Variants in AP3S2 observed in about 807,000 individuals in gnomAD.
AP3S2 encodes the protein adaptor related protein complex 3 subunit sigma 2.
AP3S2 carries 22 observed loss-of-function variants against 23.4 expected under a neutral mutation model. The ratio of observed to expected loss-of-function variants is 0.94; its 90% confidence interval spans 0.67 to 1.34. The LOEUF is 1.34. Among genes scored for constraint, AP3S2 ranks in the 40% most tolerant of loss-of-function variants. AP3S2 has a pLI of 0.00. For missense variants in AP3S2, 241 were observed against 236.9 expected, an observed-to-expected ratio of 1.02 and a Z score of -0.11; for synonymous variants, 86 against 87.1, an observed-to-expected ratio of 0.99 and a Z score of 0.07.
At chr15:89,883,620 C>A (rs1425381627) in intron 3 of AP3S2, among the ~76,000 whole-genome samples, 1 of 152,062 alleles carries the variant, frequency 6.6e-6, no homozygotes, top group African/African-American at 2.4e-5. Context: ...CTCAAGTGAT[C>A]CTCCTGCCTC....
rs533120789 is a variant in AP3S2 at position 89,843,226 on chromosome 15, C to T, written c.346-5504G>A. 1.6e-3 allele frequency among the ~76,000 whole-genome samples: 237 copies of T among 151,960 alleles called. 1 individual carries two copies. Among genetic ancestry groups the T allele is most frequent in the African/African-American group, 5.4e-3 (222 of 41,494 alleles). On this transcript the variant is annotated intron_variant, in intron 4 of 5. Coordinates refer to ENST00000336418, the MANE Select transcript of AP3S2 (RefSeq NM_005829.5). ...CTCAAACTCCCAAACTCAGGTGATCCGTCCGCCTTGGCCTCCCAAAGTGCT... is the reference window on the plus strand; with the variant it reads ...CTCAAACTCCCAAACTCAGGTGATCTGTCCGCCTTGGCCTCCCAAAGTGCT...
chr15:89,874,147 GTTTTCCTTTC>G (rs1567184267), intron 3 of AP3S2, among the ~76,000 whole-genome samples: 1 of 148,000 alleles, frequency 6.8e-6, no homozygotes, highest in African/African-American at 2.5e-5. Context: ...TTTTTAAACT[GTTTTCCTTTC>G]TTTATATGGT....
chr15:89,842,992 C>CT lies in AP3S2; in HGVS notation c.346-5271dup, dbSNP rs762631992. ...ATTATTCCCAGGTATTTCTTTTTTT[C>CT]TTTTTTTTTGAGACAGAGTTTCACT... is the stretch of plus-strand genomic sequence containing the variant. On this transcript the variant is annotated intron_variant, in intron 4 of 5. Transcript: ENST00000336418. 1.5e-3 allele frequency among the ~76,000 whole-genome samples: 222 copies of CT among 149,240 alleles called. 1 individual carries two copies. The highest frequency in any genetic ancestry group is 3.7e-3 in the African/African-American group (151 of 40,650).
At chr15:89,878,777 C>T (rs560237651) in intron 3 of AP3S2, among the ~76,000 whole-genome samples, 2 of 152,056 alleles carry the variant, frequency 1.3e-5, no homozygotes, top group African/African-American at 4.8e-5. Flanking sequence ...CAGGGTCTCT[C>T]GCTCTGTCAC....
intron 1 of AP3S2, among the ~76,000 whole-genome samples, chr15:89,892,549 GTTAGTTTTA>G (rs2141907724): frequency 6.6e-6 from 1 of 152,214 alleles, no homozygotes; most frequent in Non-Finnish European, 1.5e-5. Flanking sequence ...AGTATGGCAT[GTTAGTTTTA>G]TCTCAGTAAC....
chr15:89,841,062 C>T (rs1895319114), intron 4 of AP3S2, among the ~76,000 whole-genome samples: 1 of 152,154 alleles, frequency 6.6e-6, no homozygotes, highest in Non-Finnish European at 1.5e-5. Context: ...GTAGCATATT[C>T]CTTGGGCTTT....
chr15:89,868,481 C>T (rs1255129851), intron 4 of AP3S2, among the ~76,000 whole-genome samples: 1 of 98,726 alleles, frequency 1.0e-5, no homozygotes, highest in Non-Finnish European at 2.2e-5. Flanking sequence ...TGAGGAGCCC[C>T]TCTGCCCGGC....
chr15:89,860,508 A>G (rs1165198539), intron 4 of AP3S2, among the ~76,000 whole-genome samples: 2 of 152,188 alleles, frequency 1.3e-5, no homozygotes, highest in Non-Finnish European at 2.9e-5. Context: ...ACAGAGCAAC[A>G]TTTCATCATG....
intron 4 of AP3S2, among the ~76,000 whole-genome samples, chr15:89,858,177 C>T (rs1029845156): frequency 6.6e-6 from 1 of 152,008 alleles, no homozygotes; most frequent in African/African-American, 2.4e-5. Context: ...GTGGCTCACA[C>T]CTGCAATCCC....
intron 4 of AP3S2, among the ~76,000 whole-genome samples, chr15:89,857,027 C>T (rs1895857517): frequency 6.6e-6 from 1 of 152,184 alleles, no homozygotes; most frequent in African/African-American, 2.4e-5. Flanking sequence ...AAGGCGTTTA[C>T]AATCTACTAG....
At chr15:89,858,485 AAGAAAGAAAGAGAGAGAGAGAGAGAGAG>A (rs1895904107) in intron 4 of AP3S2, among the ~76,000 whole-genome samples, 1 of 38,836 alleles carries the variant, frequency 2.6e-5, no homozygotes, top group Admixed American at 3.5e-4. Context: ...GAAAGAAAGA[AAGAAAGAAAGAGAGAGAGAGAGAGAGAG>A]AGAGAGAGAG....
At chr15:89,881,949 T>C (rs1310642571) in intron 3 of AP3S2, among the ~76,000 whole-genome samples, 2 of 151,986 alleles carry the variant, frequency 1.3e-5, no homozygotes, top group East Asian at 3.9e-4. Context: ...ACCCCCCAAG[T>C]AGCTGGGATT....
rs562139821 is a variant in AP3S2, at chr15:89,860,569, T to C, written c.345+10906A>G. 2.6e-5 allele frequency among the ~76,000 whole-genome samples: 4 copies of C among 152,312 alleles called. No homozygotes were observed. The South Asian group carries it at 8.3e-4, about 32-fold the overall frequency. On this transcript the variant is annotated intron_variant, in intron 4 of 5. Coordinates refer to ENST00000336418, the MANE Select transcript of AP3S2 (RefSeq NM_005829.5). The stretch of plus-strand genomic sequence containing the variant: ...AACGTATTGTTTATTTCTAGAATTT[T>C]CCATTTAATATTTTTGGACCATGGT...
intron 4 of AP3S2, among the ~76,000 whole-genome samples, chr15:89,842,582 A>G (rs1895355455): frequency 6.6e-6 from 1 of 152,226 alleles, no homozygotes; most frequent in South Asian, 2.1e-4. Context: ...AAAATTCTCA[A>G]GGACAGAAAG....
At chr15:89,870,789 A>G (rs1339558964) in intron 4 of AP3S2, among the ~76,000 whole-genome samples, 1 of 152,212 alleles carries the variant, frequency 6.6e-6, no homozygotes, top group East Asian at 1.9e-4. Context: ...AAGCAAACCA[A>G]AGACGCACCA....
intron 3 of AP3S2, chr15:89,877,511 T>C (rs1312287032): frequency 2.9e-6 from 2 of 700,358 alleles, no homozygotes; most frequent in Admixed American, 2.4e-5. Flanking sequence ...ACGTTCATAA[T>C]GTGCAACCAT....
At chr15:89,858,493 A>AAGAAAGAAAG (rs1895907201) in intron 4 of AP3S2, among the ~76,000 whole-genome samples, 2 of 60,304 alleles carry the variant, frequency 3.3e-5, no homozygotes, top group African/African-American at 1.0e-4. Flanking sequence ...GAAAGAAAGA[A>AAGAAAGAAAG]AGAGAGAGAG....
At chr15:89,887,999 A>G (rs1411693278) in intron 3 of AP3S2, among the ~76,000 whole-genome samples, 1 of 152,228 alleles carries the variant, frequency 6.6e-6, no homozygotes, top group Non-Finnish European at 1.5e-5. Context: ...TAGCTGTAAA[A>G]TGTACATGTC....
chr15:89,873,757 G>A (rs529899614), intron 3 of AP3S2, among the ~76,000 whole-genome samples: 31 of 151,958 alleles, frequency 2.0e-4, no homozygotes, highest in Non-Finnish European at 4.0e-4. Context: ...GAGCAACAAG[G>A]CTGTGAGTGT....
Sources: gnomAD v4.1 joint callset for allele counts (sites outside exome capture counted in the v4.1 genomes callset) on GRCh38, gnomAD v4.1.1 for gene constraint, MANE v1.5 for transcripts, NCBI Gene and HGNC (gene_info 2026-07-23, HGNC 2026-07-21) for gene names.